Variants in SPTBN2 observed in about 807,000 individuals in gnomAD.
The protein encoded by SPTBN2 is spectrin beta, non-erythrocytic 2.
A neutral mutation model predicts 284.2 loss-of-function variants in SPTBN2; 107 were observed. That is an observed-to-expected ratio of 0.38 (90% CI 0.32 to 0.44). SPTBN2 has a LOEUF of 0.44. Ranked by LOEUF, SPTBN2 falls within the 20% of genes least tolerant of loss-of-function variation. The pLI is 1.00. For synonymous variants in SPTBN2, 1,289 were observed against 1,354.8 expected (o/e 0.95, Z 1.07); for missense variants, 2,569 against 3,287.1 (o/e 0.78, Z 5.34).
rs1322053425 is a variant in SPTBN2, at chr11:66,718,953, TC to T, written c.157+2130del. Among the ~76,000 whole-genome samples, 1 of 152,168 alleles carries T rather than the reference TC, an allele frequency of 6.6e-6. No individual in the cohort carries two copies. The highest frequency in any genetic ancestry group is 1.5e-5 in the Non-Finnish European group (1 of 68,018). On this transcript the variant is annotated intron_variant, in intron 3 of 37. Transcript: ENST00000533211. The surrounding 1 kb of genome is among the most constrained non-coding windows in gnomAD (Gnocchi z 4.8). ...GCGGAGGAGGGCACTGCCAGCGCCT[TC>T]AAGACCCGCCCATCAGGCCCCAAGT... is the stretch of plus-strand genomic sequence containing the variant.
At position 66,708,379 on chromosome 11, in the gene SPTBN2, T is replaced by G. The variant is rs572291265; in HGVS notation, c.1192-80A>C. On this transcript the variant is annotated intron_variant, in intron 11 of 37. Coordinates refer to ENST00000533211, the MANE Select transcript of SPTBN2 (RefSeq NM_006946.4). The surrounding 1 kb of genome is among the most constrained non-coding windows in gnomAD (Gnocchi z 4.4). ...GGCTGGAGGCACATGGTAAGTCCCA[T>G]GGAAGCTCGGTCTGGTGGATCCGTG... 11 of 1,387,748 alleles carry G rather than the reference T, an allele frequency of 7.9e-6. No individual in the cohort carries two copies. The East Asian group carries it at 2.0e-4, about 25-fold the overall frequency. The allele number at this position is 1,387,748 out of a possible 1,614,324, so 86.0% of individuals were successfully genotyped here. A position where few individuals can be genotyped will look rare whatever the true frequency, so the allele number is the denominator to read the frequency against.
At chr11:66,714,264 A>G in intron 6 of SPTBN2, 52 bp downstream of exon 6, 1 of 1,607,446 alleles carries the variant, frequency 6.2e-7, no homozygotes, top group Non-Finnish European at 8.5e-7. Context: ...GGAGCCCAGC[A>G]CAGCCTGGGG....
rs769316991 is a variant in SPTBN2 at position 66,687,022 on chromosome 11, G to T, written c.6868C>A (p.Arg2290=). 2.1e-5 allele frequency: 34 copies of T among 1,614,056 alleles called. No individual in the cohort carries two copies. The Admixed American group carries it at 5.7e-4, about 27-fold the overall frequency. ...AGCTTGAAGACATGTTTGCGCTTTC[G>T]GTAATCAAAGGCGACGCTGCCCTGG... is the stretch of plus-strand genomic sequence containing the variant. ...RAQGSVAFDY[R]KRKHVFKLGL... is the part of the protein sequence containing the mutation. The change falls in exon 36 of 38, where the codon CGA becomes AGA. Residue 2290 remains arginine, a synonymous_variant. Coordinates refer to ENST00000533211, the MANE Select transcript of SPTBN2 (RefSeq NM_006946.4). The surrounding 1 kb of genome is among the most constrained non-coding windows in gnomAD (Gnocchi z 5.2).
chr11:66,699,059 G>A lies in SPTBN2; in HGVS notation c.3800C>T (p.Ala1267Val), dbSNP rs148065361. The A allele has an allele frequency of 2.0e-4, 325 of 1,614,206 alleles. 3 individuals are homozygous for A. In the Admixed American group the frequency reaches 3.6e-3, roughly 18 times the overall value. ...ERRHKKNQDA[A>V]QQFLGRLRDN... is the part of the protein sequence containing the mutation. ...CCGAAGACGGCCCAGAAATTGCTGCGCTGCGTCTTGATTCTTCTTGTGCCT... is the reference window on the plus strand; with the variant it reads ...CCGAAGACGGCCCAGAAATTGCTGCACTGCGTCTTGATTCTTCTTGTGCCT... The change falls in exon 19 of 38, where the codon GCG (alanine) becomes GTG (valine). Residue 1267 changes from alanine (A) to valine (V), a missense_variant. Coordinates refer to ENST00000533211, the MANE Select transcript of SPTBN2 (RefSeq NM_006946.4).
chr11:66,731,962 T>A (rs1156699610), upstream of SPTBN2, among the ~76,000 whole-genome samples: 3 of 152,212 alleles, frequency 2.0e-5, no homozygotes, highest in Non-Finnish European at 4.4e-5. Context: ...ATGAGTGTTA[T>A]GAATGAAAAG....
At chr11:66,702,260 G>A (rs191826133) in intron 15 of SPTBN2, among the ~76,000 whole-genome samples, 12 of 152,282 alleles carry the variant, frequency 7.9e-5, no homozygotes, top group African/African-American at 1.2e-4. Context: ...TCCGCCTCCC[G>A]GGTTCAAGCA....
At chr11:66,689,035 C>A in intron 30 of SPTBN2, 61 bp downstream of exon 30, 6 of 1,547,640 alleles carry the variant, frequency 3.9e-6, no homozygotes, top group Non-Finnish European at 5.3e-6. Flanking sequence ...TACTCTGGAA[C>A]CCACAGGGTG....
chr11:66,689,732 GC>G lies in SPTBN2; in HGVS notation c.5949+72del, dbSNP rs1400638051. On this transcript the variant is annotated intron_variant, in intron 29 of 37. Coordinates refer to ENST00000533211, the MANE Select transcript of SPTBN2 (RefSeq NM_006946.4). ...TCTTGCAAAGAGAGAATGAGAGGAA[GC>G]AGAAAGCCACCAAGAAGTCAGCGTT... 6.9e-6 allele frequency: 11 copies of G among 1,598,994 alleles called. No individual in the cohort carries two copies. The East Asian group carries it at 2.2e-4, about 32-fold the overall frequency.
intron 17 of SPTBN2, 48 bp from the exon 18 acceptor site, chr11:66,699,656 C>T (rs1941132285): frequency 6.2e-7 from 1 of 1,602,662 alleles, no homozygotes; most frequent in Non-Finnish European, 8.5e-7. Context: ...GCACAATTCA[C>T]CCCCCTAGGA....
Position 66,715,874 on chromosome 11 carries a change from G to A in SPTBN2, c.265C>T (p.Arg89Cys), listed in dbSNP as rs1565151375. 6.2e-7 allele frequency: 1 copy of A among 1,614,026 alleles called. No individual in the cohort carries two copies. The highest frequency in any genetic ancestry group is 8.5e-7 in the Non-Finnish European group (1 of 1,179,992). The change falls in exon 4 of 38, where the codon CGC becomes TGC. Residue 89 changes from arginine to cysteine, a missense_variant. Arg to Cys is a radical substitution (Grantham distance 180). Transcript: ENST00000533211. This position sits in a 1 kb window ranked among gnomAD's most constrained non-coding sequence, Gnocchi z 5.3. ...ACCTCGAGGAGCCTCAGCAGGTTGC[G>A]TCCGTCCCGGAGGTCGCTGTACAGG... ...GDLYSDLRDG[R>C]NLLRLLEVLS...
intron 8 of SPTBN2, among the ~76,000 whole-genome samples, chr11:66,711,740 C>T (rs1195049360): frequency 2.0e-5 from 3 of 152,184 alleles, no homozygotes; most frequent in African/African-American, 4.8e-5. Context: ...CATGGGCAGG[C>T]AGGAGCCACT....
chr11:66,713,501 C>T (rs1393479777), intron 8 of SPTBN2, 130 bp downstream of exon 8: 2 of 773,970 alleles, frequency 2.6e-6, no homozygotes, highest in Admixed American at 1.7e-5. Context: ...ACATTCTCTT[C>T]CCCCACCAAA....
In SPTBN2 at chr11:66,692,643, G is replaced by T; in HGVS notation, c.5083C>A (p.Arg1695=). 3 of 1,605,452 alleles carry T rather than the reference G, an allele frequency of 1.9e-6. No individual in the cohort carries two copies. The highest frequency in any genetic ancestry group is 2.5e-6 in the Non-Finnish European group (3 of 1,179,928). Residue 1695 remains arginine, a synonymous_variant, in exon 26 of 38, where the codon CGG becomes AGG. Transcript: ENST00000533211. ...ERRERLQEHL[R]LCQLRRELDD... The stretch of plus-strand genomic sequence containing the variant: ...AGCTCGCGGCGGAGCTGGCACAGCC[G>T]GAGGTGCTCCTGCAGGCGCTCCCGC...
chr11:66,695,412 C>G (rs1284147532), intron 21 of SPTBN2, among the ~76,000 whole-genome samples: 1 of 152,168 alleles, frequency 6.6e-6, no homozygotes, highest in Non-Finnish European at 1.5e-5. Context: ...CACACCACCA[C>G]CACGCCCAGC....
intron 1 of SPTBN2, among the ~76,000 whole-genome samples, chr11:66,737,513 A>C (rs2135610712): frequency 6.6e-6 from 1 of 152,318 alleles, no homozygotes; most frequent in Non-Finnish European, 1.5e-5. Context: ...CAGATCTGGG[A>C]CCAATGGGTG....
At chr11:66,709,599 G>C (rs185723692) in intron 10 of SPTBN2, among the ~76,000 whole-genome samples, 188 of 151,986 alleles carry the variant, frequency 1.2e-3, no homozygotes, top group Non-Finnish European at 1.8e-3. Context: ...TTCTTTTCTA[G>C]TGGTTGTGTT....
At chr11:66,737,947 G>A (rs1417043913) in intron 1 of SPTBN2, among the ~76,000 whole-genome samples, 1 of 152,178 alleles carries the variant, frequency 6.6e-6, no homozygotes, top group African/African-American at 2.4e-5. Flanking sequence ...GGGTACGGTG[G>A]CTCACGCCTG....
chr11:66,699,686 A>C (rs1041844950), intron 17 of SPTBN2, 78 bp from the exon 18 acceptor site: 7 of 1,434,834 alleles, frequency 4.9e-6, no homozygotes, highest in Non-Finnish European at 6.8e-6. Context: ...CCAGGGGCAA[A>C]TCTGAGAGGT....
At chr11:66,692,934 C>T (rs774003895) in intron 25 of SPTBN2, 36 bp downstream of exon 25, 4 of 1,599,436 alleles carry the variant, frequency 2.5e-6, no homozygotes, top group East Asian at 2.2e-5. Context: ...CAGCCGGCTC[C>T]ACCCCCAGGC....
Sources: gnomAD v4.1 joint callset for allele counts (sites outside exome capture counted in the v4.1 genomes callset) on GRCh38, gnomAD v4.1.1 for gene constraint, Gnocchi (gnomAD v3.1) non-coding constraint, MANE v1.5 for transcripts, NCBI Gene and HGNC (gene_info 2026-07-23, HGNC 2026-07-21) for gene names.